NCOA2: variants seen among roughly 807,000 people sequenced by gnomAD.
NCOA2 encodes the protein class E basic helix-loop-helix protein 75.
Under a neutral mutation model 145.1 loss-of-function variants are expected in NCOA2, and 21 were observed. That is an observed-to-expected ratio of 0.14 (90% CI 0.10 to 0.21). NCOA2 has a LOEUF of 0.21. Ranked by LOEUF, NCOA2 falls within the 10% of genes least tolerant of loss-of-function variation. The pLI, the probability that NCOA2 is intolerant of heterozygous loss-of-function variation, is 1.00. For missense variants in NCOA2, 1,472 were observed against 1,837.6 expected (o/e 0.80, Z 3.64); for synonymous variants, 619 against 637.5 (o/e 0.97, Z 0.44).
intron 3 of NCOA2, among the ~76,000 whole-genome samples, chr8:70,214,458 T>C (rs1819378699): frequency 6.6e-6 from 1 of 152,170 alleles, no homozygotes; most frequent in Non-Finnish European, 1.5e-5. Flanking sequence ...TATTTAAGAT[T>C]AGTAAAAGAA....
At chr8:70,326,462 C>A (rs1232555512) in intron 1 of NCOA2, among the ~76,000 whole-genome samples, 1 of 151,266 alleles carries the variant, frequency 6.6e-6, no homozygotes, top group Non-Finnish European at 1.5e-5. Flanking sequence ...TGCACACACA[C>A]ACACACACAT....
At chr8:70,327,702 T>C (rs1225643599) in intron 1 of NCOA2, among the ~76,000 whole-genome samples, 1 of 152,210 alleles carries the variant, frequency 6.6e-6, no homozygotes, top group Non-Finnish European at 1.5e-5. Context: ...AAGCGGTTTT[T>C]AATGTTACTA....
chr8:70,129,054 C>A, intron 16 of NCOA2, 74 bp from the exon 17 acceptor site: 1 of 1,356,002 alleles, frequency 7.4e-7, no homozygotes, highest in South Asian at 1.4e-5. Flanking sequence ...AGGCTGTTTT[C>A]TCTCACTATC....
At chr8:70,288,535 T>C (rs1397716874) in intron 2 of NCOA2, among the ~76,000 whole-genome samples, 1 of 151,466 alleles carries the variant, frequency 6.6e-6, no homozygotes, top group Non-Finnish European at 1.5e-5. Flanking sequence ...GAGCGGAGAT[T>C]GCGCCACTGC....
chr8:70,264,161 G>A (rs376118149), intron 2 of NCOA2, among the ~76,000 whole-genome samples: 9 of 151,744 alleles, frequency 5.9e-5, no homozygotes, highest in African/African-American at 2.2e-4. Context: ...GCGGTGAGCC[G>A]AGATCACGCC....
chr8:70,408,518 A>G (rs1478580323), upstream of NCOA2, among the ~76,000 whole-genome samples: 1 of 152,240 alleles, frequency 6.6e-6, no homozygotes, highest in African/African-American at 2.4e-5. Context: ...ACAGAAATAG[A>G]CTGGGCACAG....
At chr8:70,249,425 T>C (rs745992232) in intron 2 of NCOA2, among the ~76,000 whole-genome samples, 1 of 152,220 alleles carries the variant, frequency 6.6e-6, no homozygotes, top group Non-Finnish European at 1.5e-5. Context: ...CGAATACATA[T>C]GCCAGATATG....
chr8:70,178,236 T>A (rs547191947), intron 4 of NCOA2, among the ~76,000 whole-genome samples: 44 of 152,338 alleles, frequency 2.9e-4, no homozygotes, highest in African/African-American at 1.0e-3. Context: ...ATGTACAGTA[T>A]TTTATTTTTA....
intron 2 of NCOA2, among the ~76,000 whole-genome samples, chr8:70,234,807 A>G (rs1397347706): frequency 6.6e-6 from 1 of 152,238 alleles, no homozygotes; most frequent in Non-Finnish European, 1.5e-5. Flanking sequence ...CATACAGAAT[A>G]TGACATACAA....
intron 16 of NCOA2, among the ~76,000 whole-genome samples, chr8:70,131,456 C>A (rs546746774): frequency 6.6e-6 from 1 of 152,186 alleles, no homozygotes; most frequent in Non-Finnish European, 1.5e-5. Flanking sequence ...ACTGGGGTCA[C>A]GACTACACTC....
At chr8:70,316,684 A>G (rs947508966) in intron 1 of NCOA2, among the ~76,000 whole-genome samples, 4 of 152,190 alleles carry the variant, frequency 2.6e-5, no homozygotes, top group Non-Finnish European at 5.9e-5. Context: ...TTTTCTGAAA[A>G]TGGGAGATTA....
chr8:70,327,666 A>C (rs1806712602), intron 1 of NCOA2, among the ~76,000 whole-genome samples: 1 of 152,220 alleles, frequency 6.6e-6, no homozygotes, highest in Non-Finnish European at 1.5e-5. Context: ...AAACAAAACC[A>C]GGAAAAAAAC....
the NCOA2 span, among the ~76,000 whole-genome samples, chr8:70,450,573 C>CTTTTTTTTTTTTTTTTTTTTTTT: frequency 7.4e-5 from 7 of 94,650 alleles, no homozygotes; most frequent in Non-Finnish European, 9.7e-5. Flanking sequence ...TCTTTTTATT[C>CTTTTTTTTTTTTTTTTTTTTTTT]TTTTTTTTTT....
At chr8:70,449,801 A>G in the NCOA2 span, among the ~76,000 whole-genome samples, 1 of 152,226 alleles carries the variant, frequency 6.6e-6, no homozygotes, top group Non-Finnish European at 1.5e-5. Context: ...ACAGGAAAGC[A>G]CCTGTCCTCA....
At chr8:70,123,037 G>A (rs1807995029) in intron 21 of NCOA2, among the ~76,000 whole-genome samples, 1 of 152,134 alleles carries the variant, frequency 6.6e-6, no homozygotes, top group African/African-American at 2.4e-5. Flanking sequence ...AAATACCATG[G>A]TACAATTATT....
intron 2 of NCOA2, among the ~76,000 whole-genome samples, chr8:70,294,494 C>G (rs1020881365): frequency 6.6e-6 from 1 of 152,100 alleles, no homozygotes; most frequent in South Asian, 2.1e-4. Flanking sequence ...CAGAGTAGAA[C>G]TTAAATAGTT....
chr8:70,284,802 A>G (rs572180535), intron 2 of NCOA2, among the ~76,000 whole-genome samples: 210 of 152,166 alleles, frequency 1.4e-3, no homozygotes, highest in Non-Finnish European at 2.6e-3. Flanking sequence ...ATAAGTGAAG[A>G]CTTTTAAGGC....
chr8:70,307,220 C>CAAAAAAAA (rs57161747), intron 1 of NCOA2, among the ~76,000 whole-genome samples: 176 of 71,560 alleles, frequency 2.5e-3, no homozygotes, highest in African/African-American at 3.0e-3. Context: ...CCTACATAAG[C>CAAAAAAAA]AAAAAAAAAA....
At chr8:70,238,150 A>ACG (rs901327066) in intron 2 of NCOA2, among the ~76,000 whole-genome samples, 54 of 151,870 alleles carry the variant, frequency 3.6e-4, no homozygotes, top group African/African-American at 8.7e-4. Flanking sequence ...GCATGTGCAC[A>ACG]CGCGCGCGCG....
Sources: allele counts gnomAD v4.1 joint callset (sites outside exome capture counted in the v4.1 genomes callset), GRCh38; gene constraint gnomAD v4.1.1; transcripts MANE v1.5; gene names NCBI Gene and HGNC (gene_info 2026-07-23, HGNC 2026-07-21).